The following LRRIQ1 variants were observed in gnomAD, a reference collection of about 807,000 sequenced individuals.
The protein encoded by LRRIQ1 is leucine rich repeats and IQ motif containing 1.
A neutral mutation model predicts 211.9 loss-of-function variants in LRRIQ1; 210 were observed. The observed-to-expected ratio is 0.99, with a 90% CI of 0.89 to 1.11. The LOEUF (loss-of-function observed/expected upper bound fraction) is 1.11. Ranked by LOEUF, LRRIQ1 falls within the 50% of genes most tolerant of loss-of-function variation. The probability of loss-of-function intolerance (pLI) is 0.00; values close to 1 mark genes in which losing one functional copy is unlikely to be tolerated. For missense variants in LRRIQ1, 2,136 were observed against 1,939.5 expected (o/e 1.10, Z -1.90); for synonymous variants, 699 against 650.1 (o/e 1.08, Z -1.14).
rs545899972 is a variant in LRRIQ1, at chr12:85,244,979, G to A, written c.*38G>A. 4 of 1,597,034 alleles carry A rather than the reference G, an allele frequency of 2.5e-6. No individual in the cohort carries two copies. The highest frequency in any genetic ancestry group is 4.5e-5 in the East Asian group (2 of 44,068). Reference sequence around the variant, plus strand: ...AATTGATGGAACCTAATGCCAACAAGCATTCTTTTTCAGATAGGGGGTAGG... The same window carrying A: ...AATTGATGGAACCTAATGCCAACAAACATTCTTTTTCAGATAGGGGGTAGG... On this transcript the variant is annotated 3_prime_UTR_variant, in exon 27 of 27. Coordinates refer to ENST00000393217, the MANE Select transcript of LRRIQ1 (RefSeq NM_001079910.2).
rs34401786 is a variant in LRRIQ1 at position 85,141,579 on chromosome 12, C to CTT, written c.4329+3624_4329+3625dup. Among the ~76,000 whole-genome samples, 1,290 of 132,684 alleles carry CTT rather than the reference C, an allele frequency of 9.7e-3. 27 individuals carry two copies. The highest frequency in any genetic ancestry group is 0.028 in the African/African-American group (1,019 of 36,204). The allele number at this position is 132,684 out of a possible 152,430, so 87.0% of individuals were successfully genotyped here. A position where few individuals can be genotyped will look rare whatever the true frequency, so the allele number is the denominator to read the frequency against. ...TTTGATATTTTTATACCTACAGCAG[C>CTT]TTTTTTTTTTTTTTTGGCTACTGTT... On this transcript the variant is annotated intron_variant, in intron 19 of 26. Coordinates refer to ENST00000393217, the MANE Select transcript of LRRIQ1 (RefSeq NM_001079910.2).
intron 24 of LRRIQ1, among the ~76,000 whole-genome samples, chr12:85,217,504 A>ATGTG (rs1281339030): frequency 1.5e-5 from 1 of 67,076 alleles, no homozygotes; most frequent in Non-Finnish European, 2.5e-5. Flanking sequence ...ATATATATAT[A>ATGTG]TATATGTGTG....
chr12:85,052,326 A>G (rs1880439752), intron 7 of LRRIQ1, 75 bp downstream of exon 7: 2 of 754,450 alleles, frequency 2.7e-6, no homozygotes, highest in Non-Finnish European at 4.3e-6. Context: ...TGAAATGGTT[A>G]TTTTTAGATA....
intron 24 of LRRIQ1, among the ~76,000 whole-genome samples, chr12:85,188,628 C>T (rs1349311038): frequency 6.6e-6 from 1 of 152,114 alleles, no homozygotes; most frequent in Non-Finnish European, 1.5e-5. Flanking sequence ...CTGATTGTTA[C>T]ATAGCTACTT....
chr12:85,144,062 T>C (rs928326216), intron 19 of LRRIQ1, among the ~76,000 whole-genome samples: 2 of 151,556 alleles, frequency 1.3e-5, no homozygotes, highest in African/African-American at 4.8e-5. Flanking sequence ...CCTCACCTCC[T>C]CCTGTCCTCC....
chr12:85,169,383 A>AT lies in LRRIQ1; in HGVS notation c.4822+8676dup, dbSNP rs201056586. Among the ~76,000 whole-genome samples, 1,303 of 152,142 alleles carry AT rather than the reference A, an allele frequency of 8.6e-3. 9 individuals carry two copies. The highest frequency in any genetic ancestry group is 0.014 in the Middle Eastern group (4 of 294). ...ATTGAAGATCAGGAGCTATGTTTTGATTTTTTTAATGTGATATGATAGCTC... is the reference window on the plus strand; with the variant it reads ...ATTGAAGATCAGGAGCTATGTTTTGATTTTTTTTAATGTGATATGATAGCTC... On this transcript the variant is annotated intron_variant, in intron 24 of 26. Transcript: ENST00000393217.
At chr12:85,042,025 T>C (rs1414841082) in intron 3 of LRRIQ1, among the ~76,000 whole-genome samples, 3 of 151,898 alleles carry the variant, frequency 2.0e-5, no homozygotes, top group African/African-American at 7.2e-5. Context: ...TTATCTATGG[T>C]TGAATTATGA....
At chr12:85,211,502 C>T (rs976043143) in intron 24 of LRRIQ1, among the ~76,000 whole-genome samples, 1 of 152,042 alleles carries the variant, frequency 6.6e-6, no homozygotes, top group African/African-American at 2.4e-5. Context: ...AAGCCTTATC[C>T]CTAAAAACAT....
rs1016361673 is a variant in LRRIQ1, at chr12:85,107,343, A to G, written c.3377+728A>G. ...AAGAAATACCTCATGCTTTTTTGCA[A>G]TAAGTTCCCTCCCCTAGTATTTTAA... On this transcript the variant is annotated intron_variant, in intron 15 of 26. Coordinates refer to ENST00000393217, the MANE Select transcript of LRRIQ1 (RefSeq NM_001079910.2). 2.6e-5 allele frequency among the ~76,000 whole-genome samples: 4 copies of G among 152,136 alleles called. No homozygotes were observed. In the East Asian group the frequency reaches 5.8e-4, roughly 22 times the overall value.
At chr12:85,060,685 A>G (rs1225462986) in intron 8 of LRRIQ1, among the ~76,000 whole-genome samples, 2 of 151,898 alleles carry the variant, frequency 1.3e-5, no homozygotes, top group Non-Finnish European at 2.9e-5. Flanking sequence ...TTTTAAAACA[A>G]TATTATTTTT....
At chr12:85,253,417 A>G (rs368304907) in intron 1 of LRRIQ1, among the ~76,000 whole-genome samples, 3 of 152,064 alleles carry the variant, frequency 2.0e-5, no homozygotes, top group African/African-American at 7.2e-5. Context: ...AGTCCCTTAT[A>G]TATTTCAGGG....
rs754846997 is a variant in LRRIQ1, at chr12:85,057,028, G to A, written c.2235G>A (p.Trp745Ter). ...CTATTGAAGAAAGGAGACTAGCCTG[G>A]ATAAAATCATTTAAACCTTGGCTTG... is the stretch of plus-strand genomic sequence containing the variant. ...LYSIEERRLA[W>*]IKSFKPWLEI... The change falls in exon 8 of 27, where the codon TGG (tryptophan) becomes TGA (stop). Residue 745 changes from tryptophan (W) to a stop codon, truncating the protein, a stop_gained. Coordinates refer to ENST00000393217, the MANE Select transcript of LRRIQ1 (RefSeq NM_001079910.2). LOFTEE classifies it high-confidence loss of function. 2.5e-6 allele frequency: 4 copies of A among 1,606,726 alleles called. No homozygotes were observed. The highest frequency in any genetic ancestry group is 1.7e-6 in the Non-Finnish European group (2 of 1,177,514).
At chr12:85,236,830 C>CATATATATATCT (rs1895196200) in intron 26 of LRRIQ1, among the ~76,000 whole-genome samples, 2 of 108,810 alleles carry the variant, frequency 1.8e-5, no homozygotes, top group African/African-American at 9.0e-5. Context: ...TGTATGTGTG[C>CATATATATATCT]ATATATATAT....
intron 15 of LRRIQ1, among the ~76,000 whole-genome samples, chr12:85,111,098 T>A (rs1887140591): frequency 6.6e-6 from 1 of 152,136 alleles, no homozygotes; most frequent in African/African-American, 2.4e-5. Flanking sequence ...TATTTCTTGT[T>A]TACATTACAT....
At chr12:85,249,847 G>T (rs1375083964), downstream of LRRIQ1, among the ~76,000 whole-genome samples, 3 of 151,804 alleles carry the variant, frequency 2.0e-5, no homozygotes, top group African/African-American at 4.8e-5. Context: ...TATAAAAAGC[G>T]CTCTATGATG....
intron 15 of LRRIQ1, among the ~76,000 whole-genome samples, chr12:85,118,031 T>C (rs1338762807): frequency 6.6e-6 from 1 of 152,006 alleles, no homozygotes. Context: ...TAACCTTTCT[T>C]TGTTTTGAAG....
downstream of LRRIQ1, among the ~76,000 whole-genome samples, chr12:85,247,423 T>G (rs1895760503): frequency 6.6e-6 from 1 of 151,682 alleles, no homozygotes; most frequent in Admixed American, 6.6e-5. Context: ...GCCTTTGAAC[T>G]TTTCTAGATA....
At chr12:85,125,121 G>A (rs908446575) in intron 17 of LRRIQ1, among the ~76,000 whole-genome samples, 4 of 152,112 alleles carry the variant, frequency 2.6e-5, no homozygotes, top group African/African-American at 9.7e-5. Context: ...GGAGGTTGCA[G>A]TGAGCCGAGA....
rs1187095737 is a variant in LRRIQ1, at chr12:85,233,096, CA to C, written c.5016+343del. On this transcript the variant is annotated intron_variant, in intron 26 of 26. Transcript: ENST00000393217. ...TGTAGGCTATAACTGGAGGAAATAC[CA>C]AAGCACCCTCATTACTCAGAAAATC... 1.4e-5 allele frequency: 3 copies of C among 217,788 alleles called. No homozygotes were observed. The East Asian group carries it at 4.1e-4, about 30-fold the overall frequency. 13.5% of individuals were successfully genotyped at this position (217,788 alleles called of 1,614,324 possible).
Sources: allele counts gnomAD v4.1 joint callset (sites outside exome capture counted in the v4.1 genomes callset), GRCh38; gene constraint gnomAD v4.1.1; transcripts MANE v1.5; gene names NCBI Gene and HGNC (gene_info 2026-07-23, HGNC 2026-07-21).